The following GATAD2A variants were observed in gnomAD, a reference collection of about 807,000 sequenced individuals.
GATAD2A encodes GATA zinc finger domain containing 2A, also known as transcriptional repressor p66-alpha.
GATAD2A carries 12 observed loss-of-function variants against 68.5 expected under a neutral mutation model. The ratio of observed to expected loss-of-function variants is 0.18; its 90% CI spans 0.11 to 0.28. The LOEUF is 0.28. Among genes scored for constraint, GATAD2A ranks in the 10% least tolerant of loss-of-function variants. The pLI is 1.00. For missense variants in GATAD2A, 755 were observed against 868.5 expected (o/e 0.87, Z 1.64); for synonymous variants, 410 against 375.3 (o/e 1.09, Z -1.07).
At chr19:19,487,806 G>T (rs760303529) in intron 2 of GATAD2A, among the ~76,000 whole-genome samples, 12 of 152,216 alleles carry the variant, frequency 7.9e-5, no homozygotes, top group Non-Finnish European at 1.5e-4. Context: ...CCCAAGATGA[G>T]TGTTTGCACA....
intron 1 of GATAD2A, among the ~76,000 whole-genome samples, chr19:19,397,345 C>T (rs908186141): frequency 4.0e-5 from 6 of 151,694 alleles, no homozygotes; most frequent in African/African-American, 1.2e-4. Flanking sequence ...TGGGTTCAAG[C>T]GATTCTCCTG....
intron 8 of GATAD2A, among the ~76,000 whole-genome samples, chr19:19,499,157 C>T (rs533501322): frequency 6.6e-6 from 1 of 152,120 alleles, no homozygotes; most frequent in Non-Finnish European, 1.5e-5. Context: ...GGGGCAGGCT[C>T]GCATGATCAC....
chr19:19,502,409 C>G lies in GATAD2A; in HGVS notation c.1657C>G (p.Gln553Glu). Residue 553 changes from glutamine to glutamate, a missense_variant, in exon 11 of 12, where the codon CAG becomes GAG. By Grantham distance (29) the Gln-to-Glu change is conservative. Transcript: ENST00000683918. ...LHTFSPSPKL[Q>E]NSASATALVS... is the part of the protein sequence containing the mutation. ...CACGTTCAGTCCGTCACCCAAACTG[C>G]AGAACTCAGCCTCGGCCACAGCCCT... 6.2e-7 allele frequency: 1 copy of G among 1,613,680 alleles called. No individual in the cohort carries two copies. Among genetic ancestry groups the G allele is most frequent in the Non-Finnish European group, 8.5e-7 (1 of 1,179,860 alleles).
chr19:19,454,874 G>A (rs918225807), intron 1 of GATAD2A, among the ~76,000 whole-genome samples: 5 of 152,170 alleles, frequency 3.3e-5, no homozygotes, highest in Non-Finnish European at 7.3e-5. Context: ...CAAATGTTGC[G>A]ATGGTTGCGT....
At chr19:19,418,626 A>T (rs1422805178) in intron 1 of GATAD2A, among the ~76,000 whole-genome samples, 1 of 152,144 alleles carries the variant, frequency 6.6e-6, no homozygotes, top group Non-Finnish European at 1.5e-5. Flanking sequence ...GGTTTTGGAC[A>T]CTTTTCCAGA....
In GATAD2A at chr19:19,434,196, A is replaced by G. The variant is rs146379321; in HGVS notation, c.-7+28177A>G. ...CTGATTGGTTTGTGCCTGTGTGTAG[A>G]AACACAGCTGATTTTTTATATATAG... On this transcript the variant is annotated intron_variant, in intron 1 of 11. Transcript: ENST00000683918. 1.1e-4 allele frequency among the ~76,000 whole-genome samples: 17 copies of G among 152,252 alleles called. 1 individual carries two copies. Among genetic ancestry groups the G allele is most frequent in the Admixed American group, 1.1e-3 (17 of 15,290 alleles).
intron 1 of GATAD2A, among the ~76,000 whole-genome samples, chr19:19,388,181 C>T (rs1325164671): frequency 6.6e-6 from 1 of 152,016 alleles, no homozygotes; most frequent in Admixed American, 6.6e-5. Flanking sequence ...CCTCAGCCTC[C>T]TGAGCAGCTG....
intron 2 of GATAD2A, among the ~76,000 whole-genome samples, chr19:19,469,880 G>A (rs1193462383): frequency 6.6e-6 from 1 of 151,934 alleles, no homozygotes; most frequent in Non-Finnish European, 1.5e-5. Context: ...CCGTGAAGCG[G>A]AGGTTGCAGT....
chr19:19,453,490 C>T (rs565456501), intron 1 of GATAD2A, among the ~76,000 whole-genome samples: 93 of 152,160 alleles, frequency 6.1e-4, no homozygotes, highest in African/African-American at 2.2e-3. Flanking sequence ...TTTACACGTT[C>T]GAGTCTGTCC....
intron 1 of GATAD2A, chr19:19,435,096 A>G (rs1353481515): frequency 1.9e-6 from 1 of 533,718 alleles, no homozygotes; most frequent in Non-Finnish European, 3.9e-6. Context: ...GATCAGACAC[A>G]TCAGATCCCT....
At chr19:19,458,272 C>T (rs978695023) in intron 1 of GATAD2A, among the ~76,000 whole-genome samples, 1 of 152,216 alleles carries the variant, frequency 6.6e-6, no homozygotes, top group Non-Finnish European at 1.5e-5. Flanking sequence ...GCATGCTGTT[C>T]CCCTGCCTGG....
chr19:19,442,415 C>T (rs2055203890), intron 1 of GATAD2A, among the ~76,000 whole-genome samples: 1 of 151,882 alleles, frequency 6.6e-6, no homozygotes, highest in Non-Finnish European at 1.5e-5. Flanking sequence ...CATTTGAGGT[C>T]AGGAGTTCAA....
intron 1 of GATAD2A, among the ~76,000 whole-genome samples, chr19:19,388,136 C>T (rs1283880827): frequency 6.6e-6 from 1 of 151,394 alleles, no homozygotes. Flanking sequence ...TGGCTCACCG[C>T]AACCTCCGCC....
chr19:19,409,819 C>T (rs2050708417), intron 1 of GATAD2A, among the ~76,000 whole-genome samples: 1 of 152,200 alleles, frequency 6.6e-6, no homozygotes, highest in Non-Finnish European at 1.5e-5. Context: ...GGATCTGGGA[C>T]TTTTTTGTCA....
rs542236113 is a variant in GATAD2A, at chr19:19,439,189, T to C, written c.-6-26151T>C. Among the ~76,000 whole-genome samples, 7 of 152,344 alleles carry C rather than the reference T, an allele frequency of 4.6e-5. No homozygotes were observed. The East Asian group carries it at 1.4e-3, about 29-fold the overall frequency. On this transcript the variant is annotated intron_variant, in intron 1 of 11. Transcript: ENST00000683918. ...CCACTTGTGTGTACATTTATTCTTA[T>C]GGGCACAGGGGCAGTCTTGCCTGTT...
At chr19:19,409,014 C>CTT (rs5827448) in intron 1 of GATAD2A, among the ~76,000 whole-genome samples, 10,150 of 116,386 alleles carry the variant, frequency 0.087, 674 homozygotes, top group African/African-American at 0.15. Context: ...GAAATGTTGG[C>CTT]TTTTTTTTTT....
rs1184675447 is a variant in GATAD2A, at chr19:19,456,463, G to A, written c.-6-8877G>A. Among the ~76,000 whole-genome samples, 5 of 152,328 alleles carry A rather than the reference G, an allele frequency of 3.3e-5. No homozygotes were observed. In the East Asian group the frequency reaches 7.7e-4, roughly 23 times the overall value. Reference sequence around the variant, plus strand: ...TATATTTCTTAGCCACTGAGCATGTGTGTAGCTGTGCTGCCCATATATCCA... The same window carrying A: ...TATATTTCTTAGCCACTGAGCATGTATGTAGCTGTGCTGCCCATATATCCA... On this transcript the variant is annotated intron_variant, in intron 1 of 11. Transcript: ENST00000683918.
At chr19:19,431,163 T>C (rs929935472) in intron 1 of GATAD2A, among the ~76,000 whole-genome samples, 1 of 151,892 alleles carries the variant, frequency 6.6e-6, no homozygotes, top group Non-Finnish European at 1.5e-5. Context: ...GTAAAAGCTC[T>C]CTGAACTCAG....
At chr19:19,503,213 G>T (rs2060657481) in intron 11 of GATAD2A, among the ~76,000 whole-genome samples, 1 of 152,206 alleles carries the variant, frequency 6.6e-6, no homozygotes, top group African/African-American at 2.4e-5. Flanking sequence ...TGGTCAGGAA[G>T]GGCCAAGTTA....
Sources: gnomAD v4.1 joint callset for allele counts (sites outside exome capture counted in the v4.1 genomes callset) on GRCh38, gnomAD v4.1.1 for gene constraint, MANE v1.5 for transcripts, NCBI Gene and HGNC (gene_info 2026-07-23, HGNC 2026-07-21) for gene names.